The following MCTP2 variants were observed in gnomAD, a reference collection of about 807,000 sequenced individuals.
The protein encoded by MCTP2 is multiple C2 and transmembrane domain containing 2, also known as multiple C2 and transmembrane domain-containing protein 2.
MCTP2 carries 132 observed loss-of-function variants against 111.6 expected under a neutral mutation model. The observed-to-expected ratio is 1.18, with a 90% CI of 1.03 to 1.37. The LOEUF (loss-of-function observed/expected upper bound fraction) is 1.37. Among genes scored for constraint, MCTP2 ranks in the 40% most tolerant of loss-of-function variants. The pLI is 0.00. For missense variants in MCTP2, 1,183 were observed against 1,067.9 expected (o/e 1.11, Z -1.50); for synonymous variants, 395 against 387.7 (o/e 1.02, Z -0.22).
chr15:94,339,280 C>T lies in MCTP2; in HGVS notation c.638-10C>T, dbSNP rs4984382. 0.42 allele frequency: 649,966 copies of T among 1,565,902 alleles called. 137,652 individuals carry two copies. The highest frequency in any genetic ancestry group is 0.57 in the African/African-American group (41,369 of 72,386). On this transcript the variant is annotated splice_polypyrimidine_tract_variant and intron_variant, in intron 4 of 22. Coordinates refer to ENST00000357742, the MANE Select transcript of MCTP2 (RefSeq NM_001385001.1). The stretch of plus-strand genomic sequence containing the variant: ...TTAAAATTCTGTCTTGTTTTCTTTT[C>T]CTTTTAAAGGCACAAGTGATCCTTA...
chr15:94,318,942 T>C (rs2076504048), intron 4 of MCTP2, among the ~76,000 whole-genome samples: 1 of 152,182 alleles, frequency 6.6e-6, no homozygotes, highest in Non-Finnish European at 1.5e-5. Flanking sequence ...GCAAACCTAA[T>C]ATAATCCAAA....
chr15:94,321,096 G>A (rs573474400), intron 4 of MCTP2, among the ~76,000 whole-genome samples: 3 of 152,240 alleles, frequency 2.0e-5, no homozygotes, highest in South Asian at 2.1e-4. Context: ...TCTGACTCAC[G>A]TGTGAGCTAG....
chr15:94,474,188 G>A (rs1315416779), intron 21 of MCTP2, among the ~76,000 whole-genome samples: 1 of 152,024 alleles, frequency 6.6e-6, no homozygotes, highest in African/African-American at 2.4e-5. Context: ...GGTATGTTTA[G>A]CATGCTAATA....
intron 4 of MCTP2, among the ~76,000 whole-genome samples, chr15:94,323,757 A>T (rs2076728518): frequency 1.3e-5 from 2 of 152,164 alleles, no homozygotes; most frequent in African/African-American, 4.8e-5. Context: ...TCCGCATAGG[A>T]AGAATGGCCG....
intron 7 of MCTP2, chr15:94,342,743 T>C (rs1038730110): frequency 4.0e-5 from 6 of 151,078 alleles, no homozygotes; most frequent in Non-Finnish European, 8.9e-5. Flanking sequence ...TATATTTATA[T>C]ATACACACAC....
intron 1 of MCTP2, among the ~76,000 whole-genome samples, chr15:94,290,888 G>T (rs1465996636): frequency 2.0e-5 from 3 of 152,200 alleles, no homozygotes; most frequent in Non-Finnish European, 4.4e-5. Context: ...CAATAACAGA[G>T]CTTCAAAATA....
intron 19 of MCTP2, among the ~76,000 whole-genome samples, chr15:94,450,880 T>C (rs991623609): frequency 6.6e-6 from 1 of 152,220 alleles, no homozygotes; most frequent in African/African-American, 2.4e-5. Flanking sequence ...TCAGAACATG[T>C]AGGAGAGATT....
intron 20 of MCTP2, among the ~76,000 whole-genome samples, chr15:94,462,526 G>C (rs952154635): frequency 1.3e-5 from 2 of 152,216 alleles, no homozygotes; most frequent in African/African-American, 2.4e-5. Flanking sequence ...GATAAATGGG[G>C]AAAGAGTCTA....
chr15:94,299,539 C>A (rs528285277), intron 2 of MCTP2, among the ~76,000 whole-genome samples: 112 of 152,206 alleles, frequency 7.4e-4, no homozygotes, highest in African/African-American at 2.6e-3. Flanking sequence ...AATTAATTAA[C>A]CAAATATAAT....
At chr15:94,409,869 TTCCCCCTC>T (rs1221123539) in intron 17 of MCTP2, among the ~76,000 whole-genome samples, 1 of 144,756 alleles carries the variant, frequency 6.9e-6, no homozygotes, top group East Asian at 2.2e-4. Flanking sequence ...CACCCTTCCT[TTCCCCCTC>T]CCTTTCCCCC....
In MCTP2 at chr15:94,408,519, T is replaced by A. The variant is rs185010235; in HGVS notation, c.2085+6500T>A. ...TTTAAAGTTTTTTTCAGCACTTTTTTAAAATAGGAACAATCCATCATTGCA... is the reference window on the plus strand; with the variant it reads ...TTTAAAGTTTTTTTCAGCACTTTTTAAAAATAGGAACAATCCATCATTGCA... On this transcript the variant is annotated intron_variant, in intron 17 of 22. Transcript: ENST00000357742. Among the ~76,000 whole-genome samples the A allele has an allele frequency of 1.6e-3, 241 of 152,342 alleles. No individual in the cohort carries two copies. In the East Asian group the frequency reaches 0.018, roughly 12 times the overall value.
At chr15:94,279,286 A>C (rs909022259) in intron 1 of MCTP2, among the ~76,000 whole-genome samples, 1 of 151,986 alleles carries the variant, frequency 6.6e-6, no homozygotes, top group Admixed American at 6.6e-5. Context: ...GTCATCTCTG[A>C]CTTCTTTTAG....
rs1400517328 is a variant in MCTP2, at chr15:94,483,155, T to G, written c.*4121T>G. 6.6e-6 allele frequency: 1 copy of G among 152,190 alleles called. No homozygotes were observed. Among genetic ancestry groups the G allele is most frequent in the East Asian group, 1.9e-4 (1 of 5,202 alleles). The allele number at this position is 152,190 out of a possible 1,614,324, so 9.4% of individuals were successfully genotyped here. A position where few individuals can be genotyped will look rare whatever the true frequency, so the allele number is the denominator to read the frequency against. The stretch of plus-strand genomic sequence containing the variant: ...GAAAACAGAGGTGTCATGACCTCAG[T>G]GTAACCCTATTAGCTGCAAAAAATT... On this transcript the variant is annotated 3_prime_UTR_variant, in exon 23 of 23. Coordinates refer to ENST00000357742, the MANE Select transcript of MCTP2 (RefSeq NM_001385001.1).
chr15:94,450,254 A>G (rs970519511), intron 19 of MCTP2, among the ~76,000 whole-genome samples: 2 of 152,270 alleles, frequency 1.3e-5, no homozygotes, highest in African/African-American at 4.8e-5. Flanking sequence ...CAAAAGAACT[A>G]CTTGAGAAAG....
chr15:94,379,817 ATAAT>A (rs1278680980), intron 12 of MCTP2, among the ~76,000 whole-genome samples: 184 of 143,692 alleles, frequency 1.3e-3, no homozygotes, highest in African/African-American at 4.3e-3. Context: ...ATTATATGAC[ATAAT>A]TATATATGAC....
rs2152509973 is a variant in MCTP2, at chr15:94,440,252, T to C, written c.2162T>C (p.Phe721Ser). 6.2e-7 allele frequency: 1 copy of C among 1,614,132 alleles called. No individual in the cohort carries two copies. The highest frequency in any genetic ancestry group is 8.5e-7 in the Non-Finnish European group (1 of 1,180,002). The change falls in exon 18 of 23, where the codon TTC becomes TCC. Residue 721 changes from phenylalanine (F) to serine (S), a missense_variant. By Grantham distance (155) the Phe-to-Ser change is radical (BLOSUM62 -2). Coordinates refer to ENST00000357742, the MANE Select transcript of MCTP2 (RefSeq NM_001385001.1). ...LALLLIFVYN[F>S]IRPVKGKVSS... is the part of the protein sequence containing the mutation. ...TTGTTGCTGATCTTTGTCTACAATT[T>C]CATCAGACCTGTGAAAGGCAAGGTC...
intron 4 of MCTP2, among the ~76,000 whole-genome samples, chr15:94,331,559 C>T (rs1025288813): frequency 1.3e-5 from 2 of 152,148 alleles, no homozygotes; most frequent in African/African-American, 4.8e-5. Flanking sequence ...CCCCAGTTCC[C>T]TAGACCTGCC....
intron 19 of MCTP2, among the ~76,000 whole-genome samples, chr15:94,453,529 A>T (rs1173174194): frequency 1.3e-5 from 2 of 152,224 alleles, no homozygotes; most frequent in African/African-American, 4.8e-5. Flanking sequence ...ATGAGAAATG[A>T]TAGGGTAGGT....
intron 2 of MCTP2, among the ~76,000 whole-genome samples, chr15:94,305,769 C>T (rs1250018606): frequency 6.6e-6 from 1 of 152,058 alleles, no homozygotes; most frequent in African/African-American, 2.4e-5. Flanking sequence ...CATGGAGGCG[C>T]TACGTGGGTA....
Sources: gnomAD v4.1 joint callset for allele counts (sites outside exome capture counted in the v4.1 genomes callset) on GRCh38, gnomAD v4.1.1 for gene constraint, MANE v1.5 for transcripts, NCBI Gene and HGNC (gene_info 2026-07-23, HGNC 2026-07-21) for gene names.